RPGRIP1: variants seen among roughly 807,000 people sequenced by gnomAD.
RPGRIP1 encodes the protein RPGR interacting protein 1.
RPGRIP1 carries 128 observed loss-of-function variants against 157.9 expected under a neutral mutation model. The observed-to-expected ratio is 0.81, with a 90% confidence interval of 0.70 to 0.94. The LOEUF is 0.94. RPGRIP1 is among the 40% of genes least tolerant of loss of function. The pLI is 0.00. For synonymous variants in RPGRIP1, 554 were observed against 571.6 expected, an observed-to-expected ratio of 0.97 and a Z score of 0.44; for missense variants, 1,486 against 1,545.8, an observed-to-expected ratio of 0.96 and a Z score of 0.65.
In RPGRIP1 at chr14:21,320,042, A is replaced by G; in HGVS notation, c.1332A>G (p.Glu444=). 1 of 1,612,798 alleles carries G rather than the reference A, an allele frequency of 6.2e-7. No individual in the cohort carries two copies. Among genetic ancestry groups the G allele is most frequent in the Non-Finnish European group, 8.5e-7 (1 of 1,179,388 alleles). Residue 444 remains glutamate, a synonymous_variant, in exon 12 of 25, where the codon GAA becomes GAG. Transcript: ENST00000400017. ...EKAQNEDLKL[E]VTNILQKHKQ... The stretch of plus-strand genomic sequence containing the variant: ...CCCAAAATGAGGATCTGAAGCTTGA[A>G]GTCACCAACATACTTCAGAAGCATA...
Position 21,351,295 on chromosome 14 carries a change from A to G in RPGRIP1, c.*79A>G. On this transcript the variant is annotated 3_prime_UTR_variant, in exon 25 of 25. Transcript: ENST00000400017. ...TCTCTTATAAAGTTAGCTTGCTATA[A>G]CATGAATTTGGTTTACTGTGATGTC... 1.2e-6 allele frequency: 1 copy of G among 846,458 alleles called. No individual in the cohort carries two copies. The highest frequency in any genetic ancestry group is 1.9e-6 in the Non-Finnish European group (1 of 515,406). 52.4% of individuals were successfully genotyped at this position (846,458 alleles called of 1,614,324 possible).
At chr14:21,341,921 G>C (rs1276662817) in intron 21 of RPGRIP1, among the ~76,000 whole-genome samples, 1 of 152,016 alleles carries the variant, frequency 6.6e-6, no homozygotes, top group African/African-American at 2.4e-5. Context: ...GTGGTGGCGG[G>C]TGCCTGTAGT....
At chr14:21,287,152 C>A (rs1199007762) in intron 1 of RPGRIP1, among the ~76,000 whole-genome samples, 2 of 152,158 alleles carry the variant, frequency 1.3e-5, no homozygotes, top group African/African-American at 2.4e-5. Context: ...AATCCCAACA[C>A]TTTGGGAGGC....
intron 11 of RPGRIP1, among the ~76,000 whole-genome samples, chr14:21,319,694 G>T (rs910422077): frequency 6.6e-6 from 1 of 152,262 alleles, no homozygotes. Flanking sequence ...GAGTTGGTGA[G>T]ATACTGGTTT....
intron 21 of RPGRIP1, among the ~76,000 whole-genome samples, chr14:21,339,467 A>G (rs567101296): frequency 2.4e-4 from 36 of 152,190 alleles, no homozygotes; most frequent in African/African-American, 8.4e-4. Flanking sequence ...AAGAAAAATA[A>G]TTTTAGATGT....
rs760310539 is a variant in RPGRIP1 at position 21,330,304 on chromosome 14, G to A, written c.3155G>A (p.Gly1052Asp). The change falls in exon 20 of 25, where the codon GGC becomes GAC. Residue 1052 changes from glycine (G) to aspartate (D), a missense_variant. Transcript: ENST00000400017. The stretch of plus-strand genomic sequence containing the variant: ...GAGACTAACAGCTTCATAGGTGATG[G>A]CTTTAAAAATCAGCACGAGGAAGAG... ...FSETNSFIGD[G>D]FKNQHEEEEM... The A allele has an allele frequency of 1.9e-6, 3 of 1,581,830 alleles. No homozygotes were observed. The highest frequency in any genetic ancestry group is 1.2e-5 in the South Asian group (1 of 85,394).
In RPGRIP1 at chr14:21,325,350, T is replaced by C. The variant is rs188318743; in HGVS notation, c.2334T>C (p.Asp778=). Residue 778 remains aspartate (D), a synonymous_variant, in exon 16 of 25, where the codon GAT becomes GAC. Transcript: ENST00000400017. Reference sequence around the variant, plus strand: ...AAGCCCAGGTCTACCTGTCAACCGATGTGCTTGGAGGCCGGAAGGCCCAGG... The same window carrying C: ...AAGCCCAGGTCTACCTGTCAACCGACGTGCTTGGAGGCCGGAAGGCCCAGG... ...RKKAQVYLST[D]VLGGRKAQEE... is the part of the protein sequence containing the mutation. 144 of 1,596,704 alleles carry C rather than the reference T, an allele frequency of 9.0e-5. 2 individuals carry two copies. The Admixed American group carries it at 2.5e-3, about 28-fold the overall frequency.
Position 21,328,540 on chromosome 14 carries a change from A to T in RPGRIP1, c.3012A>T (p.Arg1004Ser). The change falls in exon 19 of 25, where the codon AGA (arginine) becomes AGT (serine). Residue 1004 changes from arginine (R) to serine (S), a missense_variant. Transcript: ENST00000400017. ...EKEHQVVSYS[R>S]RKHGKRIGVQ... The stretch of plus-strand genomic sequence containing the variant: ...AGCACCAGGTTGTGAGCTACTCAAG[A>T]AGAAAACATGGCAAAAGAATAGGTG... The T allele has an allele frequency of 6.2e-7, 1 of 1,613,838 alleles. No homozygotes were observed. Among genetic ancestry groups the T allele is most frequent in the Non-Finnish European group, 8.5e-7 (1 of 1,179,786 alleles).
chr14:21,351,271 C>T lies in RPGRIP1; in HGVS notation c.*55C>T. On this transcript the variant is annotated 3_prime_UTR_variant, in exon 25 of 25. Transcript: ENST00000400017. ...CTCTGAGGGAACCATAGTAAAAAGT[C>T]TCTTATAAAGTTAGCTTGCTATAAC... The T allele has an allele frequency of 9.0e-7, 1 of 1,116,712 alleles. No homozygotes were observed. Among genetic ancestry groups the T allele is most frequent in the South Asian group, 1.3e-5 (1 of 74,506 alleles). 69.2% of individuals were successfully genotyped at this position (1,116,712 alleles called of 1,614,324 possible). A position where few individuals can be genotyped will look rare whatever the true frequency, so the allele number is the denominator to read the frequency against.
intron 3 of RPGRIP1, among the ~76,000 whole-genome samples, chr14:21,295,552 C>T (rs1217780430): frequency 3.4e-5 from 5 of 144,958 alleles, no homozygotes; most frequent in African/African-American, 1.3e-4. Context: ...GGCATGATCT[C>T]AGCTCACCGC....
At chr14:21,321,184 C>A in intron 12 of RPGRIP1, 75 bp from the exon 13 acceptor site, 2 of 1,456,556 alleles carry the variant, frequency 1.4e-6, no homozygotes, top group Middle Eastern at 1.8e-4. Flanking sequence ...CTACCAACAA[C>A]TGTTTTATGG....
intron 14 of RPGRIP1, 36 bp from the exon 15 acceptor site, chr14:21,324,582 C>T: frequency 6.5e-7 from 1 of 1,540,432 alleles, no homozygotes. Context: ...GAGCTCCCTA[C>T]CCTTTAACGG....
intron 1 of RPGRIP1, among the ~76,000 whole-genome samples, chr14:21,282,783 G>C (rs1171850480): frequency 6.6e-6 from 1 of 151,422 alleles, no homozygotes; most frequent in Non-Finnish European, 1.5e-5. Flanking sequence ...CTAATTTTTT[G>C]TATTTTGTAG....
chr14:21,307,874 G>A (rs1566674938), intron 7 of RPGRIP1, 38 bp downstream of exon 7: 1 of 1,102,886 alleles, frequency 9.1e-7, no homozygotes, highest in Non-Finnish European at 1.3e-6. Context: ...CTTGGTGGGG[G>A]GAAACCCCAA....
intron 10 of RPGRIP1, among the ~76,000 whole-genome samples, chr14:21,315,323 C>G (rs1021554870): frequency 1.3e-5 from 2 of 151,392 alleles, no homozygotes; most frequent in Non-Finnish European, 2.9e-5. Flanking sequence ...CTGGCTAACA[C>G]GGTGAAACCC....
intron 11 of RPGRIP1, among the ~76,000 whole-genome samples, chr14:21,319,189 G>A (rs1378029380): frequency 1.3e-5 from 2 of 152,130 alleles, no homozygotes; most frequent in Non-Finnish European, 2.9e-5. Flanking sequence ...GACCTTCAGG[G>A]CAATCTAATT....
At chr14:21,290,207 A>G (rs1880466739) in intron 2 of RPGRIP1, among the ~76,000 whole-genome samples, 1 of 152,106 alleles carries the variant, frequency 6.6e-6, no homozygotes, top group Admixed American at 6.6e-5. Context: ...TTGCTGGGTC[A>G]TACGGTAACA....
chr14:21,341,819 G>A (rs1416754956), intron 21 of RPGRIP1, among the ~76,000 whole-genome samples: 1 of 152,128 alleles, frequency 6.6e-6, no homozygotes, highest in Non-Finnish European at 1.5e-5. Flanking sequence ...ACTTTGGGAG[G>A]CCGAGGCGGG....
chr14:21,311,321 G>A (rs1881532212), intron 8 of RPGRIP1, among the ~76,000 whole-genome samples: 1 of 152,196 alleles, frequency 6.6e-6, no homozygotes, highest in Non-Finnish European at 1.5e-5. Flanking sequence ...GGAGGCGGAG[G>A]CGGGTGGATG....
Sources: gnomAD v4.1 joint callset for allele counts (sites outside exome capture counted in the v4.1 genomes callset) on GRCh38, gnomAD v4.1.1 for gene constraint, MANE v1.5 for transcripts, NCBI Gene and HGNC (gene_info 2026-07-23, HGNC 2026-07-21) for gene names.